NEBL: variants seen among roughly 807,000 people sequenced by gnomAD.
The protein encoded by NEBL is nebulette, also known as LIM and SH3 protein 2.
NEBL carries 122 observed loss-of-function variants against 140.2 expected under a neutral mutation model. That is an observed-to-expected ratio of 0.87 (90% CI 0.75 to 1.01). NEBL has a LOEUF of 1.01. NEBL is among the 50% of genes least tolerant of loss of function. The pLI, the probability that NEBL is intolerant of heterozygous loss-of-function variation, is 0.00. For missense variants in NEBL, 1,365 were observed against 1,231.3 expected (o/e 1.11, Z -1.62); for synonymous variants, 436 against 398.9 (o/e 1.09, Z -1.11).
At chr10:21,197,675 A>T (rs10828207) in intron 3 of NEBL, among the ~76,000 whole-genome samples, 23,425 of 152,112 alleles carry the variant, frequency 0.15, 2,552 homozygotes, top group African/African-American at 0.31. Flanking sequence ...TCTCCTAGAA[A>T]CACATAGACC....
At chr10:20,966,120 T>C (rs1836302906) in intron 3 of NEBL, among the ~76,000 whole-genome samples, 1 of 152,358 alleles carries the variant, frequency 6.6e-6, no homozygotes, top group East Asian at 1.9e-4. Context: ...CCTTCAGAAG[T>C]AACTTCAAAA....
chr10:21,070,084 T>C, intron 2 of NEBL: 1 of 445,080 alleles, frequency 2.2e-6, no homozygotes, highest in Non-Finnish European at 4.5e-6. Flanking sequence ...GAAAGAATAA[T>C]ACTGTATCCA....
At chr10:20,956,752 T>C (rs1835824825) in intron 4 of NEBL, among the ~76,000 whole-genome samples, 1 of 152,172 alleles carries the variant, frequency 6.6e-6, no homozygotes, top group Admixed American at 6.5e-5. Context: ...GACTTTATAA[T>C]TTTTACCTTT....
At chr10:21,281,815 C>T (rs1285579890) in intron 1 of NEBL, among the ~76,000 whole-genome samples, 1 of 152,156 alleles carries the variant, frequency 6.6e-6, no homozygotes, top group Non-Finnish European at 1.5e-5. Context: ...GTCCTCTGTC[C>T]TCCCCCTTCT....
Position 20,850,427 on chromosome 10 carries a change from C to T in NEBL, c.1084G>A (p.Ala362Thr), listed in dbSNP as rs1209782779. The T allele has an allele frequency of 1.2e-6, 2 of 1,611,478 alleles. No individual in the cohort carries two copies. Among genetic ancestry groups the T allele is most frequent in the South Asian group, 1.1e-5 (1 of 91,040 alleles). Reference protein sequence around the residue: ...LEFVETPSYQASKEAQKMQSE... With the variant: ...LEFVETPSYQTSKEAQKMQSE... ...TGCATCTTTTGAGCCTCCTTTGAAG[C>T]TTGATATGATGGTGTCTCAACAAAT... is the stretch of plus-strand genomic sequence containing the variant. The change falls in exon 11 of 28, where the codon GCT becomes ACT. Residue 362 changes from alanine to threonine, a missense_variant. This residue lies in a region of NEBL where 1,323 missense variants were observed against 1,154.8 expected (regional missense o/e 1.15). Coordinates refer to ENST00000377122, the MANE Select transcript of NEBL (RefSeq NM_006393.3).
At chr10:20,945,641 T>G (rs1835119203) in intron 4 of NEBL, among the ~76,000 whole-genome samples, 1 of 152,166 alleles carries the variant, frequency 6.6e-6, no homozygotes, top group South Asian at 2.1e-4. Context: ...AAACTTGGAA[T>G]TTCAAAATTT....
intron 1 of NEBL, among the ~76,000 whole-genome samples, chr10:21,262,655 A>G (rs1268322331): frequency 6.6e-6 from 1 of 152,224 alleles, no homozygotes; most frequent in African/African-American, 2.4e-5. Flanking sequence ...TTTCCCCAGA[A>G]AAGCCTCATT....
chr10:21,173,718 GCC>G lies in NEBL; in HGVS notation c.69+45_69+46del. 6.2e-7 allele frequency: 1 copy of G among 1,610,136 alleles called. No homozygotes were observed. The highest frequency in any genetic ancestry group is 8.5e-7 in the Non-Finnish European group (1 of 1,179,464). The stretch of plus-strand genomic sequence containing the variant: ...GCCAAAACTTCTCGAAGCAGGTGCA[GCC>G]CCTCGCCCGGCAGGTCCAGGCTGGC... On this transcript the variant is annotated intron_variant, in intron 1 of 6. Coordinates refer to the NEBL transcript ENST00000417816. This position sits in a 1 kb window ranked among gnomAD's most constrained non-coding sequence, Gnocchi z 5.7.
At chr10:20,869,960 T>A (rs1844752999) in intron 5 of NEBL, 119 bp from the exon 6 acceptor site, 1 of 745,082 alleles carries the variant, frequency 1.3e-6, no homozygotes, top group Non-Finnish European at 2.4e-6. Flanking sequence ...CCTACTGACC[T>A]TAAGTTGGCT....
At chr10:21,069,680 C>A (rs914357033) in intron 2 of NEBL, among the ~76,000 whole-genome samples, 3 of 152,208 alleles carry the variant, frequency 2.0e-5, no homozygotes, top group Non-Finnish European at 2.9e-5. Flanking sequence ...TCATGTTACA[C>A]ATTTTCATAC....
intron 3 of NEBL, among the ~76,000 whole-genome samples, chr10:21,202,314 T>TA (rs1333296765): frequency 1.3e-5 from 2 of 151,946 alleles, no homozygotes; most frequent in Non-Finnish European, 2.9e-5. Context: ...TTTTGTGAGA[T>TA]AAAAAAAGAT....
chr10:20,839,805 A>T (rs368058293), intron 13 of NEBL, among the ~76,000 whole-genome samples: 46 of 152,244 alleles, frequency 3.0e-4, no homozygotes, highest in African/African-American at 1.0e-3. Context: ...TAAGACTTTG[A>T]TTGGAACTAT....
At chr10:20,979,711 G>A (rs1311720582) in intron 3 of NEBL, among the ~76,000 whole-genome samples, 2 of 151,964 alleles carry the variant, frequency 1.3e-5, no homozygotes, top group South Asian at 2.1e-4. Flanking sequence ...ATTCATTTAT[G>A]TGTTTGTTTA....
rs978486341 is a variant in NEBL, at chr10:20,780,497, G to T, written c.*5250C>A. 5.3e-5 allele frequency: 8 copies of T among 152,142 alleles called. No homozygotes were observed. The highest frequency in any genetic ancestry group is 1.9e-4 in the African/African-American group (8 of 41,432). 9.4% of individuals were successfully genotyped at this position (152,142 alleles called of 1,614,324 possible). A position where few individuals can be genotyped will look rare whatever the true frequency, so the allele number is the denominator to read the frequency against. On this transcript the variant is annotated 3_prime_UTR_variant, in exon 28 of 28. Transcript: ENST00000377122. ...ACTGATTCACCAATGTAAATGCACT[G>T]AAGGCAGCACACACCTCTGATGCGA...
chr10:21,245,830 G>C (rs1842509689), intron 3 of NEBL, among the ~76,000 whole-genome samples: 1 of 152,214 alleles, frequency 6.6e-6, no homozygotes, highest in Admixed American at 6.5e-5. Flanking sequence ...CAAGTAGCTA[G>C]CATTACAGGT....
intron 2 of NEBL, among the ~76,000 whole-genome samples, chr10:21,037,317 C>A (rs1834054617): frequency 6.6e-6 from 1 of 151,832 alleles, no homozygotes; most frequent in Non-Finnish European, 1.5e-5. Context: ...TAAGGCTAGC[C>A]CTGGAAGGAG....
intron 2 of NEBL, among the ~76,000 whole-genome samples, chr10:21,124,524 T>A (rs1469975595): frequency 6.6e-6 from 1 of 152,194 alleles, no homozygotes; most frequent in Non-Finnish European, 1.5e-5. Flanking sequence ...CACTTCAGGC[T>A]CATTAGGGTC....
chr10:20,858,122 C>T (rs538053205), intron 9 of NEBL, 118 bp downstream of exon 9: 277 of 775,316 alleles, frequency 3.6e-4, no homozygotes, highest in African/African-American at 2.5e-3. Flanking sequence ...AGTTAGTTAA[C>T]GAGGGAGGAG....
At chr10:21,009,678 G>A (rs1838261927) in intron 3 of NEBL, among the ~76,000 whole-genome samples, 1 of 152,128 alleles carries the variant, frequency 6.6e-6, no homozygotes, top group Non-Finnish European at 1.5e-5. Flanking sequence ...GTCCCAAACG[G>A]AAGCTTTTTC....
Sources: gnomAD v4.1 joint callset for allele counts (sites outside exome capture counted in the v4.1 genomes callset) on GRCh38, gnomAD v4.1.1 for gene constraint, gnomAD v4.1.1 regional missense constraint, Gnocchi (gnomAD v3.1) non-coding constraint, MANE v1.5 for transcripts, NCBI Gene and HGNC (gene_info 2026-07-23, HGNC 2026-07-21) for gene names.